The following RBFOX3 variants were observed in gnomAD, a reference collection of about 807,000 sequenced individuals.
RBFOX3 encodes the protein RNA binding protein fox-1 homolog 3.
RBFOX3 carries 17 observed loss-of-function variants against 48.7 expected under a neutral mutation model. The ratio of observed to expected loss-of-function variants is 0.35; its 90% CI spans 0.24 to 0.52. The LOEUF (loss-of-function observed/expected upper bound fraction) is 0.52. Among genes scored for constraint, RBFOX3 ranks in the 20% least tolerant of loss-of-function variants. RBFOX3 has a pLI of 0.94. For missense variants in RBFOX3, 382 were observed against 497.5 expected, an observed-to-expected ratio of 0.77 and a Z score of 2.21; for synonymous variants, 212 against 209.5, an observed-to-expected ratio of 1.01 and a Z score of -0.10.
intron 4 of RBFOX3, among the ~76,000 whole-genome samples, chr17:79,155,082 A>C (rs2045481448): frequency 1.3e-5 from 2 of 152,208 alleles, no homozygotes; most frequent in South Asian, 4.1e-4. Context: ...CTGCCACGGC[A>C]CGTGAGCTCG....
chr17:79,342,040 G>A (rs1377937636), intron 2 of RBFOX3, among the ~76,000 whole-genome samples: 1 of 152,258 alleles, frequency 6.6e-6, no homozygotes, highest in Non-Finnish European at 1.5e-5. Context: ...CCTGTGAGCT[G>A]GGGGCAGCCT....
intron 4 of RBFOX3, among the ~76,000 whole-genome samples, chr17:79,146,122 G>C (rs532441171): frequency 2.6e-5 from 4 of 152,162 alleles, no homozygotes; most frequent in Non-Finnish European, 5.9e-5. Flanking sequence ...ATGAAGAGCG[G>C]ATATGAATAC....
At position 79,418,325 on chromosome 17, in the gene RBFOX3, C is replaced by T. The variant is rs1403912826; in HGVS notation, c.-175+64129G>A. On this transcript the variant is annotated intron_variant, in intron 2 of 14. Coordinates refer to ENST00000693108, the MANE Select transcript of RBFOX3 (RefSeq NM_001350451.2). The surrounding 1 kb of genome is among the most constrained non-coding windows in gnomAD (Gnocchi z 5.0). ...CCTTGCACACCCACCCATGCACACG[C>T]GTGCACACACGTTTCCCACACTAAA... Among the ~76,000 whole-genome samples, 1 of 152,212 alleles carries T rather than the reference C, an allele frequency of 6.6e-6. No individual in the cohort carries two copies. Among genetic ancestry groups the T allele is most frequent in the East Asian group, 1.9e-4 (1 of 5,196 alleles).
At chr17:79,503,197 T>C (rs2082606220) in intron 1 of RBFOX3, among the ~76,000 whole-genome samples, 1 of 152,138 alleles carries the variant, frequency 6.6e-6, no homozygotes, top group African/African-American at 2.4e-5. Flanking sequence ...TTGACCCTGA[T>C]CACCTCACAA....
intron 1 of RBFOX3, chr17:79,601,993 C>T (rs1399528672): frequency 6.6e-6 from 1 of 152,194 alleles, no homozygotes; most frequent in Non-Finnish European, 1.5e-5. Context: ...CAGAAAGTCT[C>T]CTGTCTGTGG....
chr17:79,602,743 C>A (rs1309658150), intron 1 of RBFOX3, among the ~76,000 whole-genome samples: 1 of 152,102 alleles, frequency 6.6e-6, no homozygotes, highest in Non-Finnish European at 1.5e-5. Flanking sequence ...AAACATATAT[C>A]CACACGGAAG....
intron 4 of RBFOX3, among the ~76,000 whole-genome samples, chr17:79,118,331 C>G (rs118003077): frequency 6.6e-6 from 1 of 152,128 alleles, no homozygotes. Flanking sequence ...CGTACACACT[C>G]GTGGGAGGTT....
the RBFOX3 span, among the ~76,000 whole-genome samples, chr17:79,619,765 C>T: frequency 6.6e-6 from 1 of 152,084 alleles, no homozygotes; most frequent in Non-Finnish European, 1.5e-5. Context: ...GGGTGTCACC[C>T]AGGAAGCACT....
At chr17:79,113,793 G>T (rs2032925941) in intron 5 of RBFOX3, among the ~76,000 whole-genome samples, 1 of 152,182 alleles carries the variant, frequency 6.6e-6, no homozygotes, top group Non-Finnish European at 1.5e-5. Flanking sequence ...ACAGGGCTGG[G>T]TCCTTTCTTC....
At chr17:79,476,159 C>T (rs2077715591) in intron 2 of RBFOX3, among the ~76,000 whole-genome samples, 1 of 152,218 alleles carries the variant, frequency 6.6e-6, no homozygotes. Context: ...AGGGCCCTCC[C>T]TTCCCGCTCC....
At chr17:79,589,170 A>C (rs1035263852) in intron 1 of RBFOX3, among the ~76,000 whole-genome samples, 1 of 152,220 alleles carries the variant, frequency 6.6e-6, no homozygotes, top group Non-Finnish European at 1.5e-5. Context: ...ATAACACAGG[A>C]CTGCACACTG....
chr17:79,276,910 C>T (rs930569142), intron 3 of RBFOX3, among the ~76,000 whole-genome samples: 1 of 152,146 alleles, frequency 6.6e-6, no homozygotes, highest in South Asian at 2.1e-4. Flanking sequence ...GGACTCAGGG[C>T]TGGTACAGGC....
In RBFOX3 at chr17:79,250,454, A is replaced by G. The variant is rs918722289; in HGVS notation, c.-73-14649T>C. Among the ~76,000 whole-genome samples, 14 of 145,530 alleles carry G rather than the reference A, an allele frequency of 9.6e-5. 1 individual carries two copies. The highest frequency in any genetic ancestry group is 3.8e-4 in the African/African-American group (14 of 36,782). On this transcript the variant is annotated intron_variant, in intron 3 of 14. Transcript: ENST00000693108. ...GGCTCGTGGTCAGACTTTAAAGAAT[A>G]ATAAAAATAATTTTTGTTGTAGGAG...
the RBFOX3 span, among the ~76,000 whole-genome samples, chr17:79,640,190 A>G: frequency 1.3e-5 from 2 of 152,200 alleles, no homozygotes; most frequent in Non-Finnish European, 2.9e-5. Context: ...TGAAAAGGAA[A>G]TTAAGAAAGT....
intron 2 of RBFOX3, among the ~76,000 whole-genome samples, chr17:79,339,401 G>C (rs752794778): frequency 6.6e-6 from 1 of 152,152 alleles, no homozygotes; most frequent in Non-Finnish European, 1.5e-5. Context: ...TGTTCTCAAA[G>C]TGAGAATTAC....
intron 2 of RBFOX3, among the ~76,000 whole-genome samples, chr17:79,457,109 C>T (rs1452858263): frequency 1.1e-4 from 17 of 152,240 alleles, no homozygotes; most frequent in African/African-American, 4.1e-4. Flanking sequence ...CACCCTCCTC[C>T]CCAGGGCATG....
intron 2 of RBFOX3, among the ~76,000 whole-genome samples, chr17:79,318,875 AAAAAAG>A (rs1387220004): frequency 0.043 from 6,230 of 143,296 alleles, 205 homozygotes; most frequent in Non-Finnish European, 0.052. Flanking sequence ...AAAAAAAAAA[AAAAAAG>A]GGATGGAGGG....
At chr17:79,663,573 T>A in the RBFOX3 span, among the ~76,000 whole-genome samples, 1 of 152,160 alleles carries the variant, frequency 6.6e-6, no homozygotes. Context: ...TGTTCCTCAT[T>A]CTTTGCCACT....
intron 2 of RBFOX3, among the ~76,000 whole-genome samples, chr17:79,394,194 C>T (rs1026996584): frequency 1.3e-5 from 2 of 152,230 alleles, no homozygotes; most frequent in Non-Finnish European, 2.9e-5. Context: ...TGAGCCCTCG[C>T]CTGTGGGCTG....
Sources: allele counts gnomAD v4.1 joint callset (sites outside exome capture counted in the v4.1 genomes callset), GRCh38; gene constraint gnomAD v4.1.1; non-coding constraint Gnocchi (gnomAD v3.1); transcripts MANE v1.5; gene names NCBI Gene and HGNC (gene_info 2026-07-23, HGNC 2026-07-21).